DPYD: variants seen among roughly 807,000 people sequenced by gnomAD.
DPYD encodes dihydropyrimidine dehydrogenase [NADP(+)].
A neutral mutation model predicts 116.2 loss-of-function variants in DPYD; 109 were observed. The observed-to-expected ratio is 0.94, with a 90% confidence interval of 0.80 to 1.10. The LOEUF (loss-of-function observed/expected upper bound fraction) is 1.10. Among genes scored for constraint, DPYD ranks in the 50% least tolerant of loss-of-function variants. DPYD has a pLI of 0.00. For missense variants in DPYD, 1,302 were observed against 1,254.5 expected, an observed-to-expected ratio of 1.04 and a Z score of -0.57; for synonymous variants, 440 against 432.0, an observed-to-expected ratio of 1.02 and a Z score of -0.23.
intron 13 of DPYD, among the ~76,000 whole-genome samples, chr1:97,476,806 C>G (rs1043561367): frequency 1.3e-5 from 2 of 152,006 alleles, no homozygotes; most frequent in African/African-American, 4.8e-5. Flanking sequence ...TCCAGACCAT[C>G]ACAATCAAGT....
At chr1:97,620,108 C>G (rs1367923334) in intron 8 of DPYD, among the ~76,000 whole-genome samples, 1 of 151,366 alleles carries the variant, frequency 6.6e-6, no homozygotes, top group Non-Finnish European at 1.5e-5. Flanking sequence ...TGAGATTTGG[C>G]TGCAATCACT....
chr1:97,340,589 T>A lies in DPYD; in HGVS notation c.2058+32972A>T, dbSNP rs145080545. Among the ~76,000 whole-genome samples, 13 of 152,148 alleles carry A rather than the reference T, an allele frequency of 8.5e-5. No individual in the cohort carries two copies. In the East Asian group the frequency reaches 2.5e-3, roughly 30 times the overall value. The stretch of plus-strand genomic sequence containing the variant: ...CTTTCGGGAGGCTGAGGTGGGAGGA[T>A]CCCTTCAGCCCAGGAAGTTGAGGCT... On this transcript the variant is annotated intron_variant, in intron 16 of 22. Coordinates refer to ENST00000370192, the MANE Select transcript of DPYD (RefSeq NM_000110.4).
At chr1:97,808,443 T>C (rs866652183) in intron 3 of DPYD, among the ~76,000 whole-genome samples, 1 of 152,168 alleles carries the variant, frequency 6.6e-6, no homozygotes, top group Non-Finnish European at 1.5e-5. Context: ...CAATTAACTT[T>C]TGTATATTAA....
At chr1:97,506,614 T>C (rs532126530) in intron 13 of DPYD, among the ~76,000 whole-genome samples, 4 of 152,048 alleles carry the variant, frequency 2.6e-5, no homozygotes, top group East Asian at 1.9e-4. Flanking sequence ...CAGATCAAAA[T>C]TGTACACGTC....
chr1:97,805,849 T>C (rs1252045063), intron 3 of DPYD, among the ~76,000 whole-genome samples: 4 of 151,768 alleles, frequency 2.6e-5, no homozygotes, highest in Admixed American at 6.6e-5. Flanking sequence ...ACTGGACACA[T>C]ACTGAATTCA....
chr1:97,427,767 C>T (rs550124895), intron 14 of DPYD, among the ~76,000 whole-genome samples: 1 of 151,996 alleles, frequency 6.6e-6, no homozygotes, highest in African/African-American at 2.4e-5. Flanking sequence ...AGATATTAAT[C>T]CTGCCCCTTT....
At chr1:97,233,629 A>G (rs1328777662) in intron 19 of DPYD, among the ~76,000 whole-genome samples, 1 of 152,056 alleles carries the variant, frequency 6.6e-6, no homozygotes, top group Admixed American at 6.6e-5. Context: ...CTTTGGCTAG[A>G]GAGAGCAGGC....
At position 97,642,997 on chromosome 1, in the gene DPYD, A is replaced by G. The variant is rs554981206; in HGVS notation, c.850+36098T>C. Among the ~76,000 whole-genome samples the G allele has an allele frequency of 1.9e-3, 288 of 152,214 alleles. 1 individual carries two copies. The highest frequency in any genetic ancestry group is 3.4e-3 in the Middle Eastern group (1 of 294). ...CCATAAAAACCCTAGAAGAAAACCT[A>G]GGCAATACCATTCAGGACATAGGCA... On this transcript the variant is annotated intron_variant, in intron 8 of 22. Coordinates refer to ENST00000370192, the MANE Select transcript of DPYD (RefSeq NM_000110.4).
At chr1:97,364,287 C>T (rs1222867102) in intron 16 of DPYD, among the ~76,000 whole-genome samples, 1 of 152,114 alleles carries the variant, frequency 6.6e-6, no homozygotes, top group South Asian at 2.1e-4. Context: ...GAGAAGAAAG[C>T]TGCATGTTCT....
intron 8 of DPYD, 110 bp from the exon 9 acceptor site, chr1:97,595,276 G>A: frequency 1.3e-6 from 1 of 774,156 alleles, no homozygotes; most frequent in Non-Finnish European, 2.1e-6. Flanking sequence ...ATTCTTAGAG[G>A]AAAACATCTG....
chr1:97,865,945 G>A (rs1253412244), intron 2 of DPYD, among the ~76,000 whole-genome samples: 5 of 151,820 alleles, frequency 3.3e-5, no homozygotes, highest in African/African-American at 9.7e-5. Context: ...TATACACATA[G>A]GTGAAACAAA....
intron 20 of DPYD, among the ~76,000 whole-genome samples, chr1:97,129,628 C>A (rs1653123594): frequency 6.6e-6 from 1 of 152,136 alleles, no homozygotes; most frequent in African/African-American, 2.4e-5. Context: ...GGCCCTTGAA[C>A]TGATCTCACA....
chr1:97,918,073 T>A (rs188359215), intron 1 of DPYD, among the ~76,000 whole-genome samples: 2 of 152,266 alleles, frequency 1.3e-5, no homozygotes, highest in African/African-American at 4.8e-5. Context: ...TCAGACTGTA[T>A]CCAAACAGTA....
At position 97,573,780 on chromosome 1, in the gene DPYD, G is replaced by T; in HGVS notation, c.1319C>A (p.Ser440Ter). Residue 440 changes from serine (S) to a stop codon, truncating the protein, a stop_gained, in exon 11 of 23, where the codon TCA becomes TAA. Coordinates refer to ENST00000370192, the MANE Select transcript of DPYD (RefSeq NM_000110.4). LOFTEE classifies it high-confidence loss of function. Reference sequence around the variant, plus strand: ...TGTACCTTTAGGATCACTCAGAACTGAACCAAAGGCACTGATGACCACATC... The same window carrying T: ...TGTACCTTTAGGATCACTCAGAACTTAACCAAAGGCACTGATGACCACATC... ...KADVVISAFG[S>*]VLSDPKVKEA... The T allele has an allele frequency of 3.1e-6, 5 of 1,613,490 alleles. No individual in the cohort carries two copies. The highest frequency in any genetic ancestry group is 4.2e-6 in the Non-Finnish European group (5 of 1,179,560).
chr1:97,145,821 G>C (rs1217134041), intron 20 of DPYD, among the ~76,000 whole-genome samples: 1 of 149,822 alleles, frequency 6.7e-6, no homozygotes, highest in Non-Finnish European at 1.5e-5. Flanking sequence ...GGTTCTCCTG[G>C]CATGGTGTCC....
At chr1:97,694,771 T>C (rs61789258) in intron 6 of DPYD, among the ~76,000 whole-genome samples, 18,405 of 152,084 alleles carry the variant, frequency 0.12, 1,201 homozygotes, top group Middle Eastern at 0.14. Context: ...CTAAAGTGAG[T>C]CTGTTTTGTC....
At chr1:97,262,700 T>G (rs1253520720) in intron 18 of DPYD, among the ~76,000 whole-genome samples, 1 of 152,126 alleles carries the variant, frequency 6.6e-6, no homozygotes, top group Non-Finnish European at 1.5e-5. Flanking sequence ...ATAATTCTTC[T>G]TATTTCTTTT....
At chr1:97,241,691 A>G (rs2100774217) in intron 18 of DPYD, among the ~76,000 whole-genome samples, 1 of 151,962 alleles carries the variant, frequency 6.6e-6, no homozygotes, top group Non-Finnish European at 1.5e-5. Flanking sequence ...GCTTTATACA[A>G]TTGTAGCTTT....
intron 14 of DPYD, among the ~76,000 whole-genome samples, chr1:97,406,320 T>C (rs1451476356): frequency 1.3e-5 from 2 of 149,388 alleles, no homozygotes; most frequent in African/African-American, 2.4e-5. Context: ...TATTTTTAAG[T>C]ATATCTTATT....
Sources: gnomAD v4.1 joint callset for allele counts (sites outside exome capture counted in the v4.1 genomes callset) on GRCh38, gnomAD v4.1.1 for gene constraint, MANE v1.5 for transcripts, NCBI Gene and HGNC (gene_info 2026-07-23, HGNC 2026-07-21) for gene names.